The following PNO1 variants were observed in gnomAD, a reference collection of about 807,000 sequenced individuals.
PNO1 encodes the protein partner of NOB1 homolog.
In PNO1, 16 loss-of-function variants were observed where a neutral mutation model predicts 28.4. The ratio of observed to expected loss-of-function variants is 0.56; its 90% CI spans 0.38 to 0.85. The LOEUF (loss-of-function observed/expected upper bound fraction) is 0.85. Among genes scored for constraint, PNO1 ranks in the 40% least tolerant of loss-of-function variants. The pLI, the probability that PNO1 is intolerant of heterozygous loss-of-function variation, is 0.00. For synonymous variants in PNO1, 115 were observed against 110.8 expected (o/e 1.04, Z -0.24); for missense variants, 304 against 312.2 (o/e 0.97, Z 0.20).
Position 68,176,056 on chromosome 2 carries a change from T to TAAGA in PNO1, c.*1256_*1259dup, listed in dbSNP as rs1183286702. 3 of 152,194 alleles carry TAAGA rather than the reference T, an allele frequency of 2.0e-5. No individual in the cohort carries two copies. The highest frequency in any genetic ancestry group is 2.9e-5 in the Non-Finnish European group (2 of 68,030). 9.4% of individuals were successfully genotyped at this position (152,194 alleles called of 1,614,324 possible). On this transcript the variant is annotated 3_prime_UTR_variant, in exon 7 of 7. Coordinates refer to ENST00000263657, the MANE Select transcript of PNO1 (RefSeq NM_020143.4). ...TAATTCTAAAGTTGAAAAATAATAGTAAGAACCATCATAAGTCTGTTTCTT... is the reference window on the plus strand; with the variant it reads ...TAATTCTAAAGTTGAAAAATAATAGTAAGAAAGAACCATCATAAGTCTGTTTCTT...
chr2:68,167,660 CA>C (rs1397210594), intron 5 of PNO1, among the ~76,000 whole-genome samples: 1 of 152,132 alleles, frequency 6.6e-6, no homozygotes, highest in African/African-American at 2.4e-5. Flanking sequence ...TTTTCATCTG[CA>C]CAAAAAACCT....
chr2:68,157,975 A>AGGG lies in PNO1; in HGVS notation c.42_44dup (p.Gly15dup), dbSNP rs1673704910. The AGGG allele has an allele frequency of 6.2e-7, 1 of 1,613,990 alleles. No homozygotes were observed. The highest frequency in any genetic ancestry group is 1.3e-5 in the African/African-American group (1 of 74,948). On this transcript the variant is annotated inframe_insertion, in exon 1 of 7. Transcript: ENST00000263657. ...GAAACGCAGAGCGCCAGGGCAGAGG[A>AGGG]GGGCTTTACCCAGGTCACCCGCAAG...
chr2:68,174,739 T>C lies in PNO1; in HGVS notation c.696T>C (p.Asn232=), dbSNP rs1674227789. 6.2e-7 allele frequency: 1 copy of C among 1,604,416 alleles called. No individual in the cohort carries two copies. Among genetic ancestry groups the C allele is most frequent in the South Asian group, 1.1e-5 (1 of 90,650 alleles). Residue 232 remains asparagine (N), a synonymous_variant, in exon 7 of 7, where the codon AAT becomes AAC. Coordinates refer to ENST00000263657, the MANE Select transcript of PNO1 (RefSeq NM_020143.4). ...RTAICNLILG[N]PPSKVYGNIR... is the part of the protein sequence containing the mutation. ...ACTTTTTTTTCCCCTTTGCAGGAAATCCTCCTTCCAAGGTTTATGGCAATA... is the reference window on the plus strand; with the variant it reads ...ACTTTTTTTTCCCCTTTGCAGGAAACCCTCCTTCCAAGGTTTATGGCAATA...
At chr2:68,159,153 T>C (rs1223038031) in intron 2 of PNO1, among the ~76,000 whole-genome samples, 1 of 152,220 alleles carries the variant, frequency 6.6e-6, no homozygotes, top group Non-Finnish European at 1.5e-5. Context: ...GTATGAGCGG[T>C]TGGTCACTGA....
chr2:68,167,161 C>T (rs1674016712), intron 5 of PNO1, among the ~76,000 whole-genome samples: 1 of 152,198 alleles, frequency 6.6e-6, no homozygotes, highest in Non-Finnish European at 1.5e-5. Flanking sequence ...TCTTCCATAG[C>T]ATTGACACTA....
intron 5 of PNO1, among the ~76,000 whole-genome samples, chr2:68,165,862 A>G (rs748179833): frequency 2.6e-5 from 4 of 152,186 alleles, no homozygotes; most frequent in African/African-American, 7.2e-5. Context: ...ATAAAATTCT[A>G]TTGTTTTAAG....
Position 68,162,593 on chromosome 2 carries a change from G to A in PNO1, c.550G>A (p.Ala184Thr), listed in dbSNP as rs745558390. 1.1e-5 allele frequency: 17 copies of A among 1,613,990 alleles called. No homozygotes were observed. The highest frequency in any genetic ancestry group is 2.2e-5 in the East Asian group (1 of 44,862). The change falls in exon 5 of 7, where the codon GCT (alanine) becomes ACT (threonine). Residue 184 changes from alanine to threonine, a missense_variant. By Grantham distance (58) the Ala-to-Thr change is moderately conservative. Coordinates refer to ENST00000263657, the MANE Select transcript of PNO1 (RefSeq NM_020143.4). ...DHLSRAIGRI[A>T]GKGGKTKFTI... ...TCTATCCAGGGCAATAGGAAGAATCGCTGGCAAAGGAGGAAAAACCAAATT... is the reference window on the plus strand; with the variant it reads ...TCTATCCAGGGCAATAGGAAGAATCACTGGCAAAGGAGGAAAAACCAAATT...
chr2:68,174,606 A>G, intron 6 of PNO1, 129 bp from the exon 7 acceptor site: 1 of 577,466 alleles, frequency 1.7e-6, no homozygotes, highest in Non-Finnish European at 3.2e-6. Flanking sequence ...TATGTAAGAG[A>G]CTTGAGCATC....
chr2:68,169,407 TAGAC>T (rs929007185), intron 5 of PNO1, among the ~76,000 whole-genome samples: 1 of 152,202 alleles, frequency 6.6e-6, no homozygotes, highest in Non-Finnish European at 1.5e-5. Context: ...TCTACTGTGA[TAGAC>T]AGTTTATTGG....
At chr2:68,170,664 C>T (rs1042684373) in intron 5 of PNO1, among the ~76,000 whole-genome samples, 1 of 141,036 alleles carries the variant, frequency 7.1e-6, no homozygotes, top group Non-Finnish European at 1.5e-5. Flanking sequence ...AGGAGAATGG[C>T]GAGAATCCGA....
At chr2:68,172,878 CTT>C (rs1465646615) in intron 5 of PNO1, among the ~76,000 whole-genome samples, 1 of 152,168 alleles carries the variant, frequency 6.6e-6, no homozygotes, top group Middle Eastern at 3.4e-3. Context: ...TCAAACAATT[CTT>C]TGTCTTTTCT....
At chr2:68,168,987 GGT>G (rs1674061603) in intron 5 of PNO1, among the ~76,000 whole-genome samples, 1 of 141,866 alleles carries the variant, frequency 7.0e-6, no homozygotes, top group Non-Finnish European at 1.5e-5. Flanking sequence ...GAAGTGCAGT[GGT>G]GCAATCTCGG....
chr2:68,158,455 A>C lies in PNO1; in HGVS notation c.283A>C (p.Ile95Leu). The change falls in exon 2 of 7, where the codon ATA (isoleucine) becomes CTA (leucine). Residue 95 changes from isoleucine to leucine, a missense_variant. Coordinates refer to ENST00000263657, the MANE Select transcript of PNO1 (RefSeq NM_020143.4). ...ACCATTGAAAGAAAACTGGATGAAG[A>C]TATTTACTCCTATTGTGGAACATTT... ...YTPLKENWMK[I>L]FTPIVEHLGL... 1 of 1,613,288 alleles carries C rather than the reference A, an allele frequency of 6.2e-7. No homozygotes were observed.
intron 5 of PNO1, among the ~76,000 whole-genome samples, chr2:68,164,763 C>T (rs950383049): frequency 6.6e-6 from 1 of 152,142 alleles, no homozygotes; most frequent in Non-Finnish European, 1.5e-5. Flanking sequence ...CACCACTGCA[C>T]TCTAGCCTGG....
At chr2:68,163,584 C>CA (rs1317802503) in intron 5 of PNO1, among the ~76,000 whole-genome samples, 6 of 150,866 alleles carry the variant, frequency 4.0e-5, no homozygotes, top group African/African-American at 1.5e-4. Context: ...TACATACATA[C>CA]TTACTCAAGG....
rs142972164 is a variant in PNO1 at position 68,172,094 on chromosome 2, T to A, written c.621-1253T>A. On this transcript the variant is annotated intron_variant, in intron 5 of 6. Coordinates refer to ENST00000263657, the MANE Select transcript of PNO1 (RefSeq NM_020143.4). ...GTTGGCATAAAGGATATCAAGGACC[T>A]GAGAGGCTGGCATGTTGGGATTATC... Among the ~76,000 whole-genome samples, 330 of 152,260 alleles carry A rather than the reference T, an allele frequency of 2.2e-3. 1 individual carries two copies. The highest frequency in any genetic ancestry group is 7.4e-3 in the African/African-American group (306 of 41,538).
chr2:68,167,326 C>G (rs1027257562), intron 5 of PNO1, among the ~76,000 whole-genome samples: 1 of 152,086 alleles, frequency 6.6e-6, no homozygotes, highest in African/African-American at 2.4e-5. Flanking sequence ...TGCTCAACAT[C>G]AAAAGAGCTT....
At chr2:68,172,412 G>A (rs1458584710) in intron 5 of PNO1, among the ~76,000 whole-genome samples, 1 of 152,218 alleles carries the variant, frequency 6.6e-6, no homozygotes, top group African/African-American at 2.4e-5. Context: ...GGCCTTAGTT[G>A]AAGCCAGAAG....
At chr2:68,167,496 G>A (rs936439401) in intron 5 of PNO1, among the ~76,000 whole-genome samples, 4 of 152,306 alleles carry the variant, frequency 2.6e-5, no homozygotes, top group Admixed American at 1.3e-4. Flanking sequence ...GGGGTTAGCA[G>A]CTTTATAGAT....
Sources: gnomAD v4.1 joint callset for allele counts (sites outside exome capture counted in the v4.1 genomes callset) on GRCh38, gnomAD v4.1.1 for gene constraint, MANE v1.5 for transcripts, NCBI Gene and HGNC (gene_info 2026-07-23, HGNC 2026-07-21) for gene names.